Variants in LSR observed in about 807,000 individuals in gnomAD.
The protein encoded by LSR is lipolysis stimulated lipoprotein receptor, also known as lipolysis-stimulated lipoprotein receptor.
A neutral mutation model predicts 61.8 loss-of-function variants in LSR; 44 were observed. That is an observed-to-expected ratio of 0.71 (90% CI 0.56 to 0.91). The LOEUF (loss-of-function observed/expected upper bound fraction) is 0.91, where lower values mean the gene tolerates loss of function less well. Ranked by LOEUF, LSR falls within the 40% of genes least tolerant of loss-of-function variation. The probability of loss-of-function intolerance (pLI) is 0.00; values close to 1 mark genes in which losing one functional copy is unlikely to be tolerated. For missense variants in LSR, 911 were observed against 830.5 expected, an observed-to-expected ratio of 1.10 and a Z score of -1.19; for synonymous variants, 397 against 350.6, an observed-to-expected ratio of 1.13 and a Z score of -1.48.
At chr19:35,256,974 C>T (rs1002534642) in intron 2 of LSR, among the ~76,000 whole-genome samples, 1 of 151,986 alleles carries the variant, frequency 6.6e-6, no homozygotes, top group African/African-American at 2.4e-5. Flanking sequence ...GTAGCTGGGA[C>T]TACAGGTGCG....
intron 3 of LSR, 175 bp downstream of exon 3, chr19:35,259,239 G>A (rs1360334045): frequency 1.4e-6 from 1 of 726,850 alleles, no homozygotes; most frequent in Non-Finnish European, 2.1e-6. Flanking sequence ...CTGCACCCCA[G>A]GCAGGGACCA....
In LSR at chr19:35,250,578, G is replaced by A. The variant is rs368381642; in HGVS notation, c.373G>A (p.Val125Ile). The A allele has an allele frequency of 2.7e-5, 43 of 1,612,364 alleles. No individual in the cohort carries two copies. The highest frequency in any genetic ancestry group is 3.1e-5 in the Non-Finnish European group (37 of 1,178,886). Reference protein sequence around the residue: ...YVECQDSVRTVRVVATKQGNA... With the variant: ...YVECQDSVRTIRVVATKQGNA... ...TGAGTGCCAGGACAGCGTGCGCACC[G>A]TCAGGGTCGTGGCCACCAAGCAGGG... Residue 125 changes from valine (V) to isoleucine (I), a missense_variant, in exon 2 of 10, where the codon GTC becomes ATC. Transcript: ENST00000605618.
At chr19:35,258,455 CAA>C (rs55838205) in intron 2 of LSR, among the ~76,000 whole-genome samples, 109 of 120,958 alleles carry the variant, frequency 9.0e-4, no homozygotes, top group African/African-American at 3.1e-3. Context: ...CCGATTCAAA[CAA>C]AAAAAAAAAA....
chr19:35,254,468 C>T (rs532400371), intron 2 of LSR, among the ~76,000 whole-genome samples: 29 of 152,284 alleles, frequency 1.9e-4, no homozygotes, highest in African/African-American at 6.7e-4. Context: ...CCCTCCGGTC[C>T]GGTGGCTCAT....
Position 35,262,700 on chromosome 19 carries a change from T to G in LSR, c.778+8T>G, listed in dbSNP as rs1014419107. 4 of 1,612,152 alleles carry G rather than the reference T, an allele frequency of 2.5e-6. No individual in the cohort carries two copies. Among genetic ancestry groups the G allele is most frequent in the Non-Finnish European group, 3.4e-6 (4 of 1,179,368 alleles). On this transcript the variant is annotated splice_region_variant and intron_variant, in intron 5 of 9. Transcript: ENST00000605618. ...GCTGCTGCCCCGAGGCCCGTAAGTG[T>G]CCCGCTCATGGCCACCCTGGTTTGG...
At chr19:35,259,651 T>C (rs2065901108) in intron 3 of LSR, among the ~76,000 whole-genome samples, 1 of 149,150 alleles carries the variant, frequency 6.7e-6, no homozygotes, top group Non-Finnish European at 1.5e-5. Context: ...AAAAAAAAAA[T>C]CCAGACGTGG....
intron 2 of LSR, among the ~76,000 whole-genome samples, chr19:35,251,196 C>G (rs374973585): frequency 6.6e-6 from 1 of 152,090 alleles, no homozygotes; most frequent in East Asian, 1.9e-4. Flanking sequence ...GTTCTGGGCC[C>G]TGGGAATACA....
In LSR at chr19:35,266,545, G is replaced by GA; in HGVS notation, c.952+15dup. On this transcript the variant is annotated intron_variant, in intron 6 of 9. Transcript: ENST00000605618. ...AGGAGTAGCTCAGGTGAGGCCGGGG[G>GA]AAGCAGGAACAGCTGGTGGGAGTGT... The GA allele has an allele frequency of 6.3e-7, 1 of 1,598,316 alleles. No individual in the cohort carries two copies. Among genetic ancestry groups the GA allele is most frequent in the Non-Finnish European group, 8.5e-7 (1 of 1,169,852 alleles).
intron 2 of LSR, among the ~76,000 whole-genome samples, chr19:35,255,378 T>C (rs1256908590): frequency 6.6e-6 from 1 of 152,072 alleles, no homozygotes; most frequent in Admixed American, 6.5e-5. Context: ...CCTGGGGATT[T>C]AGGAGAACCT....
intron 1 of LSR, 124 bp downstream of exon 1, chr19:35,249,255 C>T: frequency 8.0e-7 from 1 of 1,253,194 alleles, no homozygotes; most frequent in Non-Finnish European, 1.1e-6. Flanking sequence ...TTCCGATCCC[C>T]TGGGTCTTGG....
intron 5 of LSR, among the ~76,000 whole-genome samples, chr19:35,263,413 C>T (rs910666500): frequency 6.6e-6 from 1 of 152,136 alleles, no homozygotes; most frequent in African/African-American, 2.4e-5. Context: ...CCAGGCAGTG[C>T]AGTGCGATCA....
intron 1 of LSR, chr19:35,249,493 A>G (rs1259696687): frequency 3.6e-6 from 1 of 274,636 alleles, no homozygotes; most frequent in Non-Finnish European, 6.8e-6. Flanking sequence ...TAAGTTTTGG[A>G]GTAACGGGGA....
rs1202653548 is a variant in LSR, at chr19:35,266,924, C to T, written c.1101C>T (p.Phe367=). The T allele has an allele frequency of 1.2e-6, 2 of 1,613,642 alleles. No homozygotes were observed. The highest frequency in any genetic ancestry group is 1.7e-6 in the Non-Finnish European group (2 of 1,179,874). The change falls in exon 8 of 10, where the codon TTC becomes TTT. Residue 367 remains phenylalanine, a synonymous_variant. Transcript: ENST00000605618. The part of the protein sequence containing the change: ...LYYMEKELAN[F]DPSRPGPPSG... ...ACATGGAGAAGGAGCTGGCCAACTTCGACCCTTCTCGACCTGGCCCCCCCA... is the reference window on the plus strand; with the variant it reads ...ACATGGAGAAGGAGCTGGCCAACTTTGACCCTTCTCGACCTGGCCCCCCCA...
chr19:35,255,876 CAAGGATTTATAACTCA>C (rs1246423347), intron 2 of LSR, among the ~76,000 whole-genome samples: 1 of 152,126 alleles, frequency 6.6e-6, no homozygotes, highest in Non-Finnish European at 1.5e-5. Context: ...AGGGCAAGGG[CAAGGATTTATAACTCA>C]AAGGTTCCGG....
intron 3 of LSR, 154 bp downstream of exon 3, chr19:35,259,218 T>C: frequency 3.1e-6 from 3 of 965,770 alleles, no homozygotes; most frequent in Non-Finnish European, 4.4e-6. Context: ...TCACTTAGGC[T>C]CCCCTGTGCC....
intron 2 of LSR, among the ~76,000 whole-genome samples, chr19:35,253,973 A>G (rs1489541687): frequency 6.7e-6 from 1 of 149,184 alleles, no homozygotes; most frequent in Non-Finnish European, 1.5e-5. Context: ...CAAGGCCCTG[A>G]GTGTAAACAT....
Position 35,262,712 on chromosome 19 carries a change from CCA to C in LSR, c.778+22_778+23del. 6.2e-7 allele frequency: 1 copy of C among 1,609,984 alleles called. No individual in the cohort carries two copies. ...AGGCCCGTAAGTGTCCCGCTCATGG[CCA>C]CCCTGGTTTGGGCAACATCCTGCAT... On this transcript the variant is annotated intron_variant, in intron 5 of 9. Transcript: ENST00000605618.
intron 5 of LSR, chr19:35,263,988 T>TAG (rs2065964950): frequency 6.6e-6 from 1 of 152,094 alleles, no homozygotes; most frequent in Non-Finnish European, 1.5e-5. Context: ...GTATTTTTAG[T>TAG]AGAGACGGGG....
At chr19:35,258,135 G>C (rs745606028) in intron 2 of LSR, among the ~76,000 whole-genome samples, 3 of 152,156 alleles carry the variant, frequency 2.0e-5, no homozygotes, top group Non-Finnish European at 4.4e-5. Flanking sequence ...GTGGTTCAGA[G>C]ATGGCTGTAA....
Sources: gnomAD v4.1 joint callset for allele counts (sites outside exome capture counted in the v4.1 genomes callset) on GRCh38, gnomAD v4.1.1 for gene constraint, MANE v1.5 for transcripts, NCBI Gene and HGNC (gene_info 2026-07-23, HGNC 2026-07-21) for gene names.